HAPLN1: variants seen among roughly 807,000 people sequenced by gnomAD.
HAPLN1 encodes Cartilage link protein.
Under a neutral mutation model 36.5 loss-of-function variants are expected in HAPLN1, and 13 were observed. The observed-to-expected ratio is 0.36, with a 90% CI of 0.23 to 0.57. The LOEUF (loss-of-function observed/expected upper bound fraction) is 0.57. HAPLN1 is among the 20% of genes least tolerant of loss of function. The pLI is 0.83. For missense variants in HAPLN1, 407 were observed against 439.7 expected (o/e 0.93, Z 0.66); for synonymous variants, 202 against 169.8 (o/e 1.19, Z -1.48).
intron 1 of HAPLN1, among the ~76,000 whole-genome samples, chr5:83,707,405 A>G (rs1439476287): frequency 6.6e-6 from 1 of 152,206 alleles, no homozygotes; most frequent in Non-Finnish European, 1.5e-5. Context: ...AATGGAACAG[A>G]ATAGAAAGTC....
chr5:83,687,889 A>G (rs1751170227), intron 1 of HAPLN1, among the ~76,000 whole-genome samples: 1 of 152,186 alleles, frequency 6.6e-6, no homozygotes, highest in Non-Finnish European at 1.5e-5. Context: ...TTGTACTGAA[A>G]CATCAAAAGG....
At chr5:83,665,420 A>G (rs763419688) in intron 2 of HAPLN1, among the ~76,000 whole-genome samples, 11 of 152,212 alleles carry the variant, frequency 7.2e-5, no homozygotes, top group Non-Finnish European at 1.3e-4. Flanking sequence ...AAAAGACAAC[A>G]TAATTTCCAA....
In HAPLN1 at chr5:83,654,147, ATC is replaced by A. The variant is rs1369234716; in HGVS notation, c.101-1325_101-1324del. ...AAAGTATCCAAAAAATAGACACAGC[ATC>A]TCTATTTTTATCATATAGCAATCAG... On this transcript the variant is annotated intron_variant, in intron 2 of 4. Transcript: ENST00000274341. Among the ~76,000 whole-genome samples, 6 of 152,354 alleles carry A rather than the reference ATC, an allele frequency of 3.9e-5. 1 individual carries two copies. The East Asian group carries it at 9.6e-4, about 24-fold the overall frequency.
chr5:83,711,068 G>A (rs1346143896), intron 1 of HAPLN1, among the ~76,000 whole-genome samples: 2 of 152,054 alleles, frequency 1.3e-5, no homozygotes, highest in South Asian at 2.1e-4. Context: ...TCCAGAGCTC[G>A]GGGGCAACAT....
rs1326005084 is a variant in HAPLN1, at chr5:83,652,840, A to G, written c.101-16T>C. ...CCATTTTCTGCTATAATTAAAAAGG[A>G]AAAAAAAAAGAAAATAACTATTAAT... On this transcript the variant is annotated splice_polypyrimidine_tract_variant and intron_variant, in intron 2 of 4. Coordinates refer to ENST00000274341, the MANE Select transcript of HAPLN1 (RefSeq NM_001884.4). 7.0e-7 allele frequency: 1 copy of G among 1,420,450 alleles called. No individual in the cohort carries two copies. Among genetic ancestry groups the G allele is most frequent in the East Asian group, 2.5e-5 (1 of 40,738 alleles). 88.0% of individuals were successfully genotyped at this position (1,420,450 alleles called of 1,614,324 possible). A position where few individuals can be genotyped will look rare whatever the true frequency, so the allele number is the denominator to read the frequency against.
rs984364104 is a variant in HAPLN1, at chr5:83,720,850, T to C, written c.-88A>G. Reference sequence around the variant, plus strand: ...TTCTGCTTAAGTTGGAAGCTGGAGATCAAGTGAAGCTAGCGCTCTTTCTCC... The same window carrying C: ...TTCTGCTTAAGTTGGAAGCTGGAGACCAAGTGAAGCTAGCGCTCTTTCTCC... On this transcript the variant is annotated 5_prime_UTR_variant, in exon 1 of 5. Coordinates refer to ENST00000274341, the MANE Select transcript of HAPLN1 (RefSeq NM_001884.4). The C allele has an allele frequency of 2.0e-5, 3 of 152,184 alleles. No individual in the cohort carries two copies. The highest frequency in any genetic ancestry group is 4.4e-5 in the Non-Finnish European group (3 of 68,062). The allele number at this position is 152,184 out of a possible 1,614,324, so 9.4% of individuals were successfully genotyped here.
chr5:83,663,726 C>T (rs1452992844), intron 2 of HAPLN1, among the ~76,000 whole-genome samples: 1 of 151,892 alleles, frequency 6.6e-6, no homozygotes, highest in Non-Finnish European at 1.5e-5. Context: ...ACTCTAGCAG[C>T]TGAGCTTGAG....
At chr5:83,686,132 A>C (rs1025047941) in intron 1 of HAPLN1, 1 of 145,956 alleles carries the variant, frequency 6.9e-6, no homozygotes, top group Non-Finnish European at 1.5e-5. Context: ...TTAGAGATAT[A>C]AAATGTAGCC....
intron 2 of HAPLN1, among the ~76,000 whole-genome samples, chr5:83,672,585 G>C (rs1679465225): frequency 6.6e-6 from 1 of 152,176 alleles, no homozygotes; most frequent in South Asian, 2.1e-4. Context: ...TTTTCACAGT[G>C]AATGCAGTTT....
At chr5:83,687,378 G>C (rs1259240146) in intron 1 of HAPLN1, among the ~76,000 whole-genome samples, 1 of 152,152 alleles carries the variant, frequency 6.6e-6, no homozygotes, top group East Asian at 1.9e-4. Flanking sequence ...CTCTCAGCAA[G>C]AGCATAAATT....
At chr5:83,716,353 A>T (rs1490314740) in intron 1 of HAPLN1, among the ~76,000 whole-genome samples, 1 of 152,184 alleles carries the variant, frequency 6.6e-6, no homozygotes, top group Non-Finnish European at 1.5e-5. Context: ...CAGCCCTTTA[A>T]CTTTAGTAAG....
chr5:83,677,663 T>C (rs1750890066), intron 1 of HAPLN1, among the ~76,000 whole-genome samples: 1 of 152,150 alleles, frequency 6.6e-6, no homozygotes, highest in Non-Finnish European at 1.5e-5. Flanking sequence ...TCACAACCAG[T>C]ACAACAGGTC....
At chr5:83,693,411 A>G (rs554813716) in intron 1 of HAPLN1, among the ~76,000 whole-genome samples, 3 of 151,916 alleles carry the variant, frequency 2.0e-5, no homozygotes, top group Non-Finnish European at 4.4e-5. Flanking sequence ...GAAGATAGAA[A>G]AAGAAGAGGG....
At chr5:83,692,383 G>A (rs889114142) in intron 1 of HAPLN1, among the ~76,000 whole-genome samples, 10 of 151,642 alleles carry the variant, frequency 6.6e-5, no homozygotes, top group Non-Finnish European at 1.3e-4. Context: ...CTGAAAGAAA[G>A]GAAGAAAAAG....
intron 1 of HAPLN1, chr5:83,703,449 T>C (rs975831176): frequency 6.6e-6 from 1 of 152,162 alleles, no homozygotes; most frequent in East Asian, 1.9e-4. Context: ...CTAATTTCTG[T>C]GCTTGCTTGA....
Position 83,644,132 on chromosome 5 carries a change from G to A in HAPLN1, c.775+231C>T, listed in dbSNP as rs77595540. On this transcript the variant is annotated intron_variant, in intron 4 of 4. Transcript: ENST00000274341. ...AGTTTCAATTATTTCATATAAAAAT[G>A]GGATGAAATAAAACGTAGGAGTACT... Among the ~76,000 whole-genome samples the A allele has an allele frequency of 3.5e-3, 534 of 152,298 alleles. 3 individuals are homozygous for A. The highest frequency in any genetic ancestry group is 0.012 in the African/African-American group (514 of 41,568).
intron 2 of HAPLN1, among the ~76,000 whole-genome samples, chr5:83,661,214 A>ATATCTATATCTATATCTATATC (rs1750377610): frequency 6.6e-6 from 1 of 151,932 alleles, no homozygotes; most frequent in Non-Finnish European, 1.5e-5. Context: ...ATCTATATCT[A>ATATCTATATCTATATCTATATC]TATCTATACC....
chr5:83,713,619 G>T (rs1387982708), intron 1 of HAPLN1, among the ~76,000 whole-genome samples: 1 of 152,106 alleles, frequency 6.6e-6, no homozygotes, highest in Non-Finnish European at 1.5e-5. Flanking sequence ...TAAGAAATGT[G>T]CATTCAACTC....
chr5:83,653,362 T>C (rs1038098413), intron 2 of HAPLN1, among the ~76,000 whole-genome samples: 3 of 152,198 alleles, frequency 2.0e-5, no homozygotes, highest in Non-Finnish European at 2.9e-5. Flanking sequence ...TATCCTCACA[T>C]TTATGGCTTC....
Sources: allele counts gnomAD v4.1 joint callset (sites outside exome capture counted in the v4.1 genomes callset), GRCh38; gene constraint gnomAD v4.1.1; transcripts MANE v1.5; gene names NCBI Gene and HGNC (gene_info 2026-07-23, HGNC 2026-07-21).